SPIDR: variants seen among roughly 807,000 people sequenced by gnomAD.
SPIDR encodes the protein scaffold protein involved in DNA repair.
A neutral mutation model predicts 104.6 loss-of-function variants in SPIDR; 93 were observed. The ratio of observed to expected loss-of-function variants is 0.89; its 90% confidence interval spans 0.75 to 1.06. The LOEUF (loss-of-function observed/expected upper bound fraction) is 1.06. Ranked by LOEUF, SPIDR falls within the 50% of genes least tolerant of loss-of-function variation. The pLI is 0.00. For missense variants in SPIDR, 1,154 were observed against 1,111.2 expected (o/e 1.04, Z -0.55); for synonymous variants, 431 against 416.9 (o/e 1.03, Z -0.41).
At chr8:47,275,558 G>A (rs887228663) in intron 1 of SPIDR, among the ~76,000 whole-genome samples, 13 of 151,786 alleles carry the variant, frequency 8.6e-5, no homozygotes, top group Non-Finnish European at 1.3e-4. Flanking sequence ...ATATTTTTTA[G>A]TTTCCATTCT....
intron 8 of SPIDR, among the ~76,000 whole-genome samples, chr8:47,539,700 G>C (rs2087719468): frequency 6.6e-6 from 1 of 151,928 alleles, no homozygotes; most frequent in Non-Finnish European, 1.5e-5. Flanking sequence ...CTGGGAAGTG[G>C]GGTTTGGTGC....
At position 47,595,985 on chromosome 8, in the gene SPIDR, A is replaced by G; in HGVS notation, c.1272A>G (p.Thr424=). 6.2e-7 allele frequency: 1 copy of G among 1,611,492 alleles called. No homozygotes were observed. Among genetic ancestry groups the G allele is most frequent in the Non-Finnish European group, 8.5e-7 (1 of 1,179,322 alleles). The change falls in exon 9 of 20, where the codon ACA becomes ACG. Residue 424 remains threonine (T), a synonymous_variant. Transcript: ENST00000297423. The part of the protein sequence containing the change: ...LAQMFVIKGL[T]NNSPEIQVVC... ...AGATGTTTGTAATTAAGGGTCTAAC[A>G]AATAATTCACCTGAAATCCAGGTAA...
chr8:47,377,172 C>A (rs544609150), intron 5 of SPIDR, among the ~76,000 whole-genome samples: 156 of 152,256 alleles, frequency 1.0e-3, no homozygotes, highest in African/African-American at 3.5e-3. Context: ...TCTTTTAAGT[C>A]CTTTAAGTTA....
intron 8 of SPIDR, among the ~76,000 whole-genome samples, chr8:47,541,741 A>G (rs535586659): frequency 1.3e-5 from 2 of 152,252 alleles, no homozygotes; most frequent in African/African-American, 4.8e-5. Flanking sequence ...TACTAAAAAT[A>G]CAAAAAAATT....
chr8:47,542,689 T>C (rs972770695), intron 8 of SPIDR, among the ~76,000 whole-genome samples: 2 of 152,202 alleles, frequency 1.3e-5, no homozygotes, highest in Non-Finnish European at 2.9e-5. Context: ...AGAAAGATCC[T>C]ATGTATCCTT....
At chr8:47,723,818 T>C (rs188557345) in intron 16 of SPIDR, among the ~76,000 whole-genome samples, 505 of 152,294 alleles carry the variant, frequency 3.3e-3, no homozygotes, top group Non-Finnish European at 5.6e-3. Flanking sequence ...CAAATAACAC[T>C]GTCCTGCTTC....
intron 11 of SPIDR, among the ~76,000 whole-genome samples, chr8:47,679,450 C>T (rs2076836468): frequency 6.8e-6 from 1 of 147,368 alleles, no homozygotes; most frequent in Non-Finnish European, 1.5e-5. Flanking sequence ...TGCCAGGTGC[C>T]CACCTGCCCC....
intron 11 of SPIDR, among the ~76,000 whole-genome samples, chr8:47,691,760 C>G (rs1014957981): frequency 2.0e-5 from 3 of 152,170 alleles, no homozygotes; most frequent in Non-Finnish European, 4.4e-5. Context: ...GCTCAAGACC[C>G]GCTCCTGTGG....
At chr8:47,335,038 CCTT>C (rs1487527827) in intron 5 of SPIDR, among the ~76,000 whole-genome samples, 3 of 152,090 alleles carry the variant, frequency 2.0e-5, no homozygotes, top group African/African-American at 7.2e-5. Context: ...CCTAATTTCT[CCTT>C]CTGTTCCTGG....
At chr8:47,466,887 GAAAA>G (rs148299700) in intron 8 of SPIDR, among the ~76,000 whole-genome samples, 7 of 48,966 alleles carry the variant, frequency 1.4e-4, no homozygotes, top group East Asian at 4.7e-4. Context: ...AGTTTTTTTT[GAAAA>G]AAAAAAAAAA....
At chr8:47,518,882 G>A (rs1451236402) in intron 8 of SPIDR, among the ~76,000 whole-genome samples, 8 of 152,084 alleles carry the variant, frequency 5.3e-5, no homozygotes, top group Admixed American at 1.3e-4. Flanking sequence ...TGATCCGCCC[G>A]CCTTGGCCTC....
At chr8:47,657,492 T>C (rs972980798) in intron 10 of SPIDR, among the ~76,000 whole-genome samples, 8 of 152,114 alleles carry the variant, frequency 5.3e-5, no homozygotes, top group African/African-American at 1.7e-4. Flanking sequence ...TTGACTGTGG[T>C]AGAAGGTACA....
chr8:47,551,757 T>C (rs2090527156), intron 8 of SPIDR, among the ~76,000 whole-genome samples: 1 of 152,192 alleles, frequency 6.6e-6, no homozygotes, highest in Admixed American at 6.5e-5. Flanking sequence ...GGGTTTTTTG[T>C]GTCTCTATCT....
chr8:47,337,411 A>G (rs1319248903), intron 5 of SPIDR, among the ~76,000 whole-genome samples: 2 of 152,114 alleles, frequency 1.3e-5, no homozygotes, highest in Non-Finnish European at 2.9e-5. Flanking sequence ...GATTATAAGC[A>G]TGAGCCACCA....
intron 11 of SPIDR, among the ~76,000 whole-genome samples, chr8:47,674,203 A>G (rs1735623688): frequency 6.6e-6 from 1 of 152,208 alleles, no homozygotes; most frequent in South Asian, 2.1e-4. Context: ...ATGTCTTTTA[A>G]TTATGAAAAT....
chr8:47,454,067 A>C (rs543581301), intron 8 of SPIDR, among the ~76,000 whole-genome samples: 2 of 152,192 alleles, frequency 1.3e-5, no homozygotes, highest in Non-Finnish European at 2.9e-5. Flanking sequence ...AAGACAGTGC[A>C]GCAATTCCTC....
chr8:47,331,739 C>T (rs572066461), intron 5 of SPIDR, among the ~76,000 whole-genome samples: 19 of 152,064 alleles, frequency 1.2e-4, no homozygotes, highest in Admixed American at 4.6e-4. Flanking sequence ...CTTACTGTAA[C>T]GTTTTTACTT....
intron 11 of SPIDR, among the ~76,000 whole-genome samples, chr8:47,687,919 G>A (rs1249304481): frequency 3.9e-5 from 6 of 151,912 alleles, no homozygotes; most frequent in South Asian, 2.1e-4. Context: ...AAAATTAGCC[G>A]AGTGTGGTGG....
At chr8:47,408,025 C>T (rs1303017224) in intron 7 of SPIDR, 64 bp downstream of exon 7, 2 of 859,058 alleles carry the variant, frequency 2.3e-6, no homozygotes, top group Non-Finnish European at 3.6e-6. Flanking sequence ...AGAATTCTTA[C>T]ATTAAAATAT....
Sources: gnomAD v4.1 joint callset for allele counts (sites outside exome capture counted in the v4.1 genomes callset) on GRCh38, gnomAD v4.1.1 for gene constraint, MANE v1.5 for transcripts, NCBI Gene and HGNC (gene_info 2026-07-23, HGNC 2026-07-21) for gene names.